The following FNIP2 variants were observed in gnomAD, a reference collection of about 807,000 sequenced individuals.
The protein encoded by FNIP2 is folliculin interacting protein 2, also known as folliculin-interacting protein 2.
FNIP2 carries 32 observed loss-of-function variants against 108.7 expected under a neutral mutation model. The observed-to-expected ratio is 0.29, with a 90% CI of 0.22 to 0.40. FNIP2 has a LOEUF of 0.40. Among genes scored for constraint, FNIP2 ranks in the 10% least tolerant of loss-of-function variants. The pLI, the probability that FNIP2 is intolerant of heterozygous loss-of-function variation, is 1.00. For missense variants in FNIP2, 1,202 were observed against 1,381.6 expected (o/e 0.87, Z 2.06); for synonymous variants, 480 against 496.7 (o/e 0.97, Z 0.45).
At position 158,868,947 on chromosome 4, in the gene FNIP2, G is replaced by A. The variant is rs1248476891; in HGVS notation, c.2311G>A (p.Gly771Ser). Residue 771 changes from glycine to serine, a missense_variant, in exon 13 of 17, where the codon GGC becomes AGC. Gly to Ser is a moderately conservative substitution (Grantham distance 56). Coordinates refer to ENST00000264433, the MANE Select transcript of FNIP2 (RefSeq NM_020840.3). This position sits in a 1 kb window ranked among gnomAD's most constrained non-coding sequence, Gnocchi z 4.6. ...PQVSRSPFKPGFQENVCCPQN... is the reference protein window; with the variant it reads ...PQVSRSPFKPSFQENVCCPQN... The stretch of plus-strand genomic sequence containing the variant: ...GGTTTCTAGGAGCCCTTTTAAACCT[G>A]GCTTTCAGGAGAATGTTTGCTGTCC... 6 of 1,613,968 alleles carry A rather than the reference G, an allele frequency of 3.7e-6. No individual in the cohort carries two copies. In the South Asian group the frequency reaches 6.6e-5, roughly 18 times the overall value.
chr4:158,897,934 T>A (rs1782839489), intron 16 of FNIP2, among the ~76,000 whole-genome samples: 1 of 152,234 alleles, frequency 6.6e-6, no homozygotes, highest in Admixed American at 6.5e-5. Context: ...CTGAATGGTA[T>A]TGCCTAGGTT....
chr4:158,882,237 C>A (rs972898162), intron 14 of FNIP2, among the ~76,000 whole-genome samples: 1 of 151,768 alleles, frequency 6.6e-6, no homozygotes, highest in Non-Finnish European at 1.5e-5. Flanking sequence ...GGCAGCCGCC[C>A]CGTCTGAGAA....
chr4:158,893,696 T>G, intron 15 of FNIP2: 1 of 1,589,546 alleles, frequency 6.3e-7, no homozygotes. Context: ...TTATGCTGAT[T>G]TAGAGGTTAA....
Position 158,861,477 on chromosome 4 carries a change from A to G in FNIP2, c.1284A>G (p.Ile428Met). 1 of 1,613,968 alleles carries G rather than the reference A, an allele frequency of 6.2e-7. No homozygotes were observed. The highest frequency in any genetic ancestry group is 8.5e-7 in the Non-Finnish European group (1 of 1,179,894). ...LKEFTLLIEQ[I>M]NKNQFFAALL... Reference sequence around the variant, plus strand: ...AGTTTACACTTCTGATAGAACAGATAAATAAAAACCAGTAAGCTTCAACTC... The same window carrying G: ...AGTTTACACTTCTGATAGAACAGATGAATAAAAACCAGTAAGCTTCAACTC... The change falls in exon 11 of 17, where the codon ATA becomes ATG. Residue 428 changes from isoleucine (I) to methionine (M), a missense_variant. Physicochemically the swap from Ile to Met is conservative, Grantham distance 10. Around this residue, in one of 5 missense-constraint regions of FNIP2, gnomAD observed 878 missense variants for 990.3 expected, o/e 0.89. Coordinates refer to ENST00000264433, the MANE Select transcript of FNIP2 (RefSeq NM_020840.3).
At chr4:158,888,355 T>C (rs1782125066) in intron 14 of FNIP2, among the ~76,000 whole-genome samples, 1 of 152,220 alleles carries the variant, frequency 6.6e-6, no homozygotes. Flanking sequence ...CAATCCATGC[T>C]GTAAGGAACA....
Position 158,882,845 on chromosome 4 carries a change from G to C in FNIP2, c.2950-8601G>C, listed in dbSNP as rs866281053. 3.7e-4 allele frequency among the ~76,000 whole-genome samples: 56 copies of C among 152,126 alleles called. No homozygotes were observed. The Middle Eastern group carries it at 0.01, about 28-fold the overall frequency. On this transcript the variant is annotated intron_variant, in intron 14 of 16. Coordinates refer to ENST00000264433, the MANE Select transcript of FNIP2 (RefSeq NM_020840.3). ...CCACTCCCTAATCTCAAGTACCCAGGGACACAAATACTGCGGAAGGCCGCA... is the reference window on the plus strand; with the variant it reads ...CCACTCCCTAATCTCAAGTACCCAGCGACACAAATACTGCGGAAGGCCGCA...
intron 7 of FNIP2, among the ~76,000 whole-genome samples, chr4:158,848,350 G>A (rs1779520580): frequency 6.6e-6 from 1 of 152,182 alleles, no homozygotes; most frequent in African/African-American, 2.4e-5. Context: ...GTCTTTGCCT[G>A]GTAATCCAGA....
At chr4:158,825,054 A>G (rs887226486) in intron 1 of FNIP2, among the ~76,000 whole-genome samples, 7 of 152,150 alleles carry the variant, frequency 4.6e-5, no homozygotes, top group Admixed American at 2.0e-4. Context: ...CATGAACTCC[A>G]TAAGGGTGGG....
At chr4:158,859,335 G>A (rs1434154391) in intron 9 of FNIP2, 77 bp downstream of exon 9, 6 of 1,432,746 alleles carry the variant, frequency 4.2e-6, no homozygotes, top group African/African-American at 1.4e-5. Flanking sequence ...CTTTGCCGAT[G>A]TATCAGATGT....
intron 14 of FNIP2, among the ~76,000 whole-genome samples, chr4:158,881,183 C>CGTCTCCCTCCACG (rs933746304): frequency 2.0e-5 from 3 of 149,310 alleles, no homozygotes; most frequent in Admixed American, 6.7e-5. Context: ...TCTCCCTCTC[C>CGTCTCCCTCCACG]GTCTCCCTCC....
Position 158,852,781 on chromosome 4 carries a change from G to A in FNIP2, c.857+1331G>A, listed in dbSNP as rs554802819. Among the ~76,000 whole-genome samples, 6 of 152,266 alleles carry A rather than the reference G, an allele frequency of 3.9e-5. No homozygotes were observed. In the South Asian group the frequency reaches 1.2e-3, roughly 32 times the overall value. ...TGTCATTATGACAGCTTCTGTGATT[G>A]GAAGAGATAGGTCTTGGAAACCATC... On this transcript the variant is annotated intron_variant, in intron 8 of 16. Transcript: ENST00000264433.
chr4:158,838,785 A>C (rs1778955880), intron 7 of FNIP2, among the ~76,000 whole-genome samples: 2 of 152,272 alleles, frequency 1.3e-5, no homozygotes, highest in South Asian at 4.1e-4. Flanking sequence ...TTCATCTAAT[A>C]GCCTTTTCTG....
At chr4:158,889,195 A>G (rs1293327781) in intron 14 of FNIP2, among the ~76,000 whole-genome samples, 2 of 152,228 alleles carry the variant, frequency 1.3e-5, no homozygotes, top group Non-Finnish European at 2.9e-5. Context: ...GTCTCTAAAA[A>G]ATAAATAAAT....
At chr4:158,883,584 T>C (rs533434598) in intron 14 of FNIP2, among the ~76,000 whole-genome samples, 2 of 152,326 alleles carry the variant, frequency 1.3e-5, no homozygotes, top group South Asian at 4.1e-4. Context: ...TTATCCCTGA[T>C]AGTTAAACCC....
At chr4:158,896,002 G>A (rs966345225) in intron 16 of FNIP2, 137 bp downstream of exon 16, 5 of 628,816 alleles carry the variant, frequency 8.0e-6, no homozygotes, top group East Asian at 2.8e-5. Flanking sequence ...CATCAGATAC[G>A]TGCCTCTGCA....
At chr4:158,839,772 G>T (rs1456113984) in intron 7 of FNIP2, among the ~76,000 whole-genome samples, 1 of 152,132 alleles carries the variant, frequency 6.6e-6, no homozygotes, top group Non-Finnish European at 1.5e-5. Context: ...AGGGGTTGGG[G>T]TGAGTATTTT....
Position 158,869,214 on chromosome 4 carries a change from C to CG in FNIP2, c.2582dup (p.Gly863TrpfsTer13), listed in dbSNP as rs751978468. The CG allele has an allele frequency of 6.2e-7, 1 of 1,614,030 alleles. No individual in the cohort carries two copies. The highest frequency in any genetic ancestry group is 1.1e-5 in the South Asian group (1 of 91,092). On this transcript the variant is annotated frameshift_variant, in exon 13 of 17. Coordinates refer to ENST00000264433, the MANE Select transcript of FNIP2 (RefSeq NM_020840.3). LOFTEE classifies it high-confidence loss of function. Reference sequence around the variant, plus strand: ...GCCTGTTGCCCCCAGGTGTGTCCAGCGGGGCCCTGGCCTCGTGGCTGGTGC... The same window carrying CG: ...GCCTGTTGCCCCCAGGTGTGTCCAGCGGGGGCCCTGGCCTCGTGGCTGGTGC...
chr4:158,869,570 T>G, intron 13 of FNIP2, 142 bp downstream of exon 13: 1 of 1,232,116 alleles, frequency 8.1e-7, no homozygotes, highest in South Asian at 1.6e-5. Flanking sequence ...GAAGTATTAT[T>G]AATTCTATAC....
chr4:158,870,304 T>C lies in FNIP2; in HGVS notation c.2793-9T>C, dbSNP rs375590946. The C allele has an allele frequency of 3.1e-6, 5 of 1,610,026 alleles. No homozygotes were observed. The African/African-American group carries it at 4.0e-5, about 13-fold the overall frequency. ...GCTGTGCATTTTAATGGGCCACATG[T>C]TGTTTTAGGTCTCAGAGCATCAGCA... On this transcript the variant is annotated splice_polypyrimidine_tract_variant and intron_variant, in intron 13 of 16. Transcript: ENST00000264433.
Sources: allele counts gnomAD v4.1 joint callset (sites outside exome capture counted in the v4.1 genomes callset), GRCh38; gene constraint gnomAD v4.1.1; regional missense constraint gnomAD v4.1.1; non-coding constraint Gnocchi (gnomAD v3.1); transcripts MANE v1.5; gene names NCBI Gene and HGNC (gene_info 2026-07-23, HGNC 2026-07-21).